Variants in NALCN observed in about 807,000 individuals in gnomAD.
The protein encoded by NALCN is sodium leak channel, non-selective.
In NALCN, 111 loss-of-function variants were observed where a neutral mutation model predicts 225.3. The ratio of observed to expected loss-of-function variants is 0.49; its 90% CI spans 0.42 to 0.58. The LOEUF (loss-of-function observed/expected upper bound fraction) is 0.58. Among genes scored for constraint, NALCN ranks in the 20% least tolerant of loss-of-function variants. NALCN has a pLI of 0.00. For missense variants in NALCN, 1,378 were observed against 2,202.4 expected (o/e 0.63, Z 7.49); for synonymous variants, 764 against 769.0 (o/e 0.99, Z 0.11).
chr13:101,103,432 G>A (rs2034934011), intron 25 of NALCN, 93 bp from the exon 26 acceptor site: 2 of 1,413,782 alleles, frequency 1.4e-6, no homozygotes, highest in East Asian at 2.4e-5. Context: ...TTTTCATTTA[G>A]CAGAGATTCC....
intron 1 of NALCN, among the ~76,000 whole-genome samples, chr13:101,402,737 C>T (rs150602922): frequency 6.6e-6 from 1 of 152,172 alleles, no homozygotes; most frequent in African/African-American, 2.4e-5. Flanking sequence ...GCTGCTTCCC[C>T]CGCAGATGTA....
chr13:101,415,208 C>CACATATATATATATAT (rs1555349509), intron 1 of NALCN, among the ~76,000 whole-genome samples: 19 of 107,826 alleles, frequency 1.8e-4, no homozygotes, highest in African/African-American at 8.9e-4. Context: ...AAATCACACA[C>CACATATATATATATAT]ATATATATAT....
chr13:101,083,399 G>A (rs1300453240), intron 31 of NALCN, among the ~76,000 whole-genome samples: 1 of 152,182 alleles, frequency 6.6e-6, no homozygotes, highest in Non-Finnish European at 1.5e-5. Context: ...ATATTGGAAG[G>A]AGAAGTGCAT....
intron 39 of NALCN, among the ~76,000 whole-genome samples, 175 bp from the exon 40 acceptor site, chr13:101,065,736 C>G (rs1203155204): frequency 4.6e-5 from 7 of 152,196 alleles, no homozygotes; most frequent in African/African-American, 1.7e-4. Flanking sequence ...CTAAGAAGAG[C>G]AGAGGATAGA....
At chr13:101,185,639 G>A (rs2039416889) in intron 14 of NALCN, among the ~76,000 whole-genome samples, 2 of 152,228 alleles carry the variant, frequency 1.3e-5, no homozygotes, top group Admixed American at 1.3e-4. Context: ...GACAATACAT[G>A]GAGGTTATGA....
intron 7 of NALCN, among the ~76,000 whole-genome samples, chr13:101,302,817 G>A (rs1203058762): frequency 6.6e-6 from 1 of 151,606 alleles, no homozygotes; most frequent in Non-Finnish European, 1.5e-5. Flanking sequence ...TCCTGTATTT[G>A]CTATCCACAT....
chr13:101,075,029 A>G (rs2033162265), intron 35 of NALCN, among the ~76,000 whole-genome samples: 1 of 152,192 alleles, frequency 6.6e-6, no homozygotes, highest in African/African-American at 2.4e-5. Context: ...GACTGACAGC[A>G]AGTAAACTCA....
intron 6 of NALCN, among the ~76,000 whole-genome samples, chr13:101,373,869 C>T (rs1019509765): frequency 5.1e-4 from 77 of 152,074 alleles, no homozygotes; most frequent in African/African-American, 1.8e-3. Flanking sequence ...AACTTACTCT[C>T]TGGATTTAAT....
At chr13:101,143,282 T>C in intron 16 of NALCN, 61 bp from the exon 17 acceptor site, 1 of 1,500,688 alleles carries the variant, frequency 6.7e-7, no homozygotes, top group Non-Finnish European at 8.9e-7. Context: ...AGTGACAGCA[T>C]TTTGCAATGA....
chr13:101,221,686 A>G (rs1403618656), intron 13 of NALCN, among the ~76,000 whole-genome samples: 1 of 152,152 alleles, frequency 6.6e-6, no homozygotes, highest in Admixed American at 6.6e-5. Flanking sequence ...AAGATTTTAA[A>G]TGTTTTGGCT....
At chr13:101,234,518 A>C (rs2041473623) in intron 12 of NALCN, among the ~76,000 whole-genome samples, 1 of 152,200 alleles carries the variant, frequency 6.6e-6, no homozygotes, top group Admixed American at 6.5e-5. Context: ...GGGAAGACCA[A>C]TGTAGGCCTT....
intron 17 of NALCN, among the ~76,000 whole-genome samples, chr13:101,127,592 A>T (rs1314183697): frequency 1.3e-5 from 2 of 152,102 alleles, no homozygotes; most frequent in East Asian, 3.9e-4. Context: ...TCCTGACCTC[A>T]AGTGATCCAC....
intron 15 of NALCN, among the ~76,000 whole-genome samples, chr13:101,171,592 T>C (rs1388789291): frequency 6.6e-6 from 1 of 152,114 alleles, no homozygotes; most frequent in Non-Finnish European, 1.5e-5. Flanking sequence ...AGCTGTGTCA[T>C]ATATATAACA....
At position 101,166,625 on chromosome 13, in the gene NALCN, C is replaced by T. The variant is rs571783087; in HGVS notation, c.1839+9675G>A. ...GACTATAGGAGCTCTTTCATATTCTCAATATTAACTCCTCATCAGACACAC... is the reference window on the plus strand; with the variant it reads ...GACTATAGGAGCTCTTTCATATTCTTAATATTAACTCCTCATCAGACACAC... On this transcript the variant is annotated intron_variant, in intron 15 of 43. Coordinates refer to ENST00000251127, the MANE Select transcript of NALCN (RefSeq NM_052867.4). Among the ~76,000 whole-genome samples, 7 of 152,228 alleles carry T rather than the reference C, an allele frequency of 4.6e-5. No individual in the cohort carries two copies. The South Asian group carries it at 1.2e-3, about 27-fold the overall frequency.
chr13:101,376,189 A>T (rs2046685250), intron 6 of NALCN, among the ~76,000 whole-genome samples: 2 of 152,172 alleles, frequency 1.3e-5, no homozygotes, highest in Non-Finnish European at 2.9e-5. Context: ...TTCTAATATG[A>T]AAAGCTTCCA....
chr13:101,183,038 G>A (rs897645992), intron 14 of NALCN, among the ~76,000 whole-genome samples: 4 of 152,188 alleles, frequency 2.6e-5, no homozygotes, highest in African/African-American at 7.2e-5. Context: ...CCAACACATG[G>A]TATGGAAAGT....
intron 13 of NALCN, among the ~76,000 whole-genome samples, chr13:101,213,614 C>T (rs1347823643): frequency 1.3e-5 from 2 of 152,156 alleles, no homozygotes; most frequent in African/African-American, 2.4e-5. Context: ...TCAAACAACT[C>T]CTTCAAAAAG....
At chr13:101,106,744 T>C (rs1368872753) in intron 22 of NALCN, among the ~76,000 whole-genome samples, 15 of 152,208 alleles carry the variant, frequency 9.9e-5, no homozygotes, top group Admixed American at 9.2e-4. Context: ...ATGTGCCTTT[T>C]GCCTTCCACC....
At chr13:101,111,426 A>G (rs192730557) in intron 18 of NALCN, among the ~76,000 whole-genome samples, 200 bp from the exon 19 acceptor site, 3 of 152,346 alleles carry the variant, frequency 2.0e-5, no homozygotes, top group Admixed American at 6.5e-5. Flanking sequence ...TATCACAGCT[A>G]TGAAGAAGGG....
Sources: allele counts gnomAD v4.1 joint callset (sites outside exome capture counted in the v4.1 genomes callset), GRCh38; gene constraint gnomAD v4.1.1; transcripts MANE v1.5; gene names NCBI Gene and HGNC (gene_info 2026-07-23, HGNC 2026-07-21).